The following CARS2 variants were observed in gnomAD, a reference collection of about 807,000 sequenced individuals.
CARS2 encodes the protein cysteinyl-tRNA synthetase 2, mitochondrial.
A neutral mutation model predicts 68.8 loss-of-function variants in CARS2; 52 were observed. The ratio of observed to expected loss-of-function variants is 0.76; its 90% CI spans 0.61 to 0.95. CARS2 has a LOEUF of 0.95. Ranked by LOEUF, CARS2 falls within the 40% of genes least tolerant of loss-of-function variation. The pLI, the probability that CARS2 is intolerant of heterozygous loss-of-function variation, is 0.00. For missense variants in CARS2, 780 were observed against 754.2 expected, an observed-to-expected ratio of 1.03 and a Z score of -0.40; for synonymous variants, 314 against 303.6, an observed-to-expected ratio of 1.03 and a Z score of -0.36.
intron 6 of CARS2, among the ~76,000 whole-genome samples, chr13:110,680,350 G>T (rs1313363431): frequency 6.6e-6 from 1 of 152,150 alleles, no homozygotes; most frequent in Non-Finnish European, 1.5e-5. Context: ...CCGAGATCAT[G>T]CCACTGCACT....
intron 3 of CARS2, among the ~76,000 whole-genome samples, chr13:110,695,046 G>A (rs1223058530): frequency 6.6e-6 from 1 of 152,122 alleles, no homozygotes; most frequent in African/African-American, 2.4e-5. Flanking sequence ...ACTTTGCGAG[G>A]CCAAGGCAGG....
rs117624281 is a variant in CARS2, at chr13:110,693,313, G to T, written c.394-5295C>A. On this transcript the variant is annotated intron_variant, in intron 3 of 14. Coordinates refer to ENST00000257347, the MANE Select transcript of CARS2 (RefSeq NM_024537.4). ...CTCACAAATGCTACAATGACAAGGA[G>T]TTGTAAGTGGAATACCCACCTACTG... Among the ~76,000 whole-genome samples the T allele has an allele frequency of 2.6e-5, 4 of 152,146 alleles. No homozygotes were observed. In the South Asian group the frequency reaches 8.3e-4, roughly 32 times the overall value.
chr13:110,687,678 C>CAA (rs375287344), intron 5 of CARS2, 43 bp downstream of exon 5: 673 of 784,958 alleles, frequency 8.6e-4, no homozygotes, highest in South Asian at 1.1e-3. Context: ...AACTCTGTCT[C>CAA]AAAAAAAAAA....
upstream of CARS2, among the ~76,000 whole-genome samples, chr13:110,711,375 G>A (rs184507785): frequency 6.6e-6 from 1 of 152,280 alleles, no homozygotes; most frequent in Admixed American, 6.5e-5. Context: ...ACCATGCCCT[G>A]CTAATTTTTT....
exon 1 of CARS2, chr13:110,713,263 G>A: frequency 1.5e-6 from 2 of 1,330,674 alleles, no homozygotes; most frequent in Non-Finnish European, 9.6e-7. Context: ...GGGACGAAGA[G>A]TCAGGGGCTG....
intron 2 of CARS2, among the ~76,000 whole-genome samples, chr13:110,703,900 G>A (rs1395774740): frequency 1.8e-4 from 27 of 152,238 alleles, no homozygotes; most frequent in Admixed American, 1.8e-3. Context: ...CAAGGTGACG[G>A]TTTTAGGAGG....
At position 110,641,546 on chromosome 13, in the gene CARS2, T is replaced by G; in HGVS notation, c.1686A>C (p.Ser562=). Residue 562 remains serine (S), a synonymous_variant, in exon 15 of 15, where the codon TCA becomes TCC. Transcript: ENST00000257347. ...TGGCTGTGCTCCATCCTCAGCCCGC[T>G]GATTTTTGGTCTTTTGTCCTTTGAT... The part of the protein sequence containing the change: ...LLDQRTKDQK[S]AG 1 of 1,613,450 alleles carries G rather than the reference T, an allele frequency of 6.2e-7. No homozygotes were observed.
chr13:110,689,635 G>A (rs2063400205), intron 3 of CARS2, among the ~76,000 whole-genome samples: 1 of 152,170 alleles, frequency 6.6e-6, no homozygotes, highest in Non-Finnish European at 1.5e-5. Flanking sequence ...CCCTTAGACT[G>A]CTAGAAGAAC....
intron 5 of CARS2, among the ~76,000 whole-genome samples, chr13:110,687,451 C>CTT (rs2063331384): frequency 6.6e-6 from 1 of 152,052 alleles, no homozygotes; most frequent in African/African-American, 2.4e-5. Context: ...AGGTGGATCA[C>CTT]AAGGTCAGGA....
In CARS2 at chr13:110,668,580, G is replaced by A. The variant is rs796581540; in HGVS notation, c.786-1107C>T. On this transcript the variant is annotated intron_variant, in intron 7 of 14. Transcript: ENST00000257347. This position sits in a 1 kb window ranked among gnomAD's most constrained non-coding sequence, Gnocchi z 4.1. ...GATTTTTACATCTTAGTGACGGGTC[G>A]TCTTAGGGTAACTCTAACATTCCCT... is the stretch of plus-strand genomic sequence containing the variant. Among the ~76,000 whole-genome samples the A allele has an allele frequency of 1.6e-4, 24 of 152,130 alleles. No individual in the cohort carries two copies. Among genetic ancestry groups the A allele is most frequent in the African/African-American group, 4.3e-4 (18 of 41,514 alleles).
At chr13:110,649,549 C>T (rs1355416286) in intron 10 of CARS2, among the ~76,000 whole-genome samples, 1 of 152,200 alleles carries the variant, frequency 6.6e-6, no homozygotes, top group Non-Finnish European at 1.5e-5. Context: ...ATAGATTCAC[C>T]CCATGGGGGA....
At chr13:110,702,776 G>T (rs1043794072) in intron 2 of CARS2, among the ~76,000 whole-genome samples, 1 of 152,092 alleles carries the variant, frequency 6.6e-6, no homozygotes, top group Non-Finnish European at 1.5e-5. Flanking sequence ...GCACACACAC[G>T]CCTTGCAAGT....
At chr13:110,713,379 G>T (rs997359872) in exon 1 of CARS2, 64 of 1,045,990 alleles carry the variant, frequency 6.1e-5, no homozygotes, top group Non-Finnish European at 6.9e-5. Flanking sequence ...GCTCCCCTGC[G>T]TTTCCCAGCG....
chr13:110,682,359 C>T (rs923948787), intron 6 of CARS2, among the ~76,000 whole-genome samples: 1 of 152,160 alleles, frequency 6.6e-6, no homozygotes, highest in Non-Finnish European at 1.5e-5. Context: ...CCGGCCTGTG[C>T]GGGGAGCGGG....
At chr13:110,687,081 A>T (rs879709202) in intron 5 of CARS2, among the ~76,000 whole-genome samples, 1 of 152,148 alleles carries the variant, frequency 6.6e-6, no homozygotes, top group Non-Finnish European at 1.5e-5. Context: ...TTTGTCCCCA[A>T]CTTTTTGTTA....
chr13:110,660,982 G>A (rs755753467), intron 9 of CARS2, among the ~76,000 whole-genome samples: 18 of 152,060 alleles, frequency 1.2e-4, no homozygotes, highest in African/African-American at 3.9e-4. Context: ...GGCTGGTCTC[G>A]AACTCCTGAC....
chr13:110,686,789 C>A (rs1425226043), intron 5 of CARS2, among the ~76,000 whole-genome samples: 1 of 152,040 alleles, frequency 6.6e-6, no homozygotes, highest in African/African-American at 2.4e-5. Context: ...AATTCTTGGC[C>A]TCAAGTGATC....
At chr13:110,658,045 A>T (rs1254715342) in intron 9 of CARS2, among the ~76,000 whole-genome samples, 7 of 152,252 alleles carry the variant, frequency 4.6e-5, no homozygotes, top group Non-Finnish European at 7.3e-5. Flanking sequence ...CAACACAATG[A>T]AACAGACAAA....
At chr13:110,662,856 C>T in intron 9 of CARS2, 1 of 374,538 alleles carries the variant, frequency 2.7e-6, no homozygotes, top group Non-Finnish European at 5.3e-6. Context: ...CTATTCTTCT[C>T]CATTTATTTT....
Sources: allele counts gnomAD v4.1 joint callset (sites outside exome capture counted in the v4.1 genomes callset), GRCh38; gene constraint gnomAD v4.1.1; non-coding constraint Gnocchi (gnomAD v3.1); transcripts MANE v1.5; gene names NCBI Gene and HGNC (gene_info 2026-07-23, HGNC 2026-07-21).